The following ASH2L variants were observed in gnomAD, a reference collection of about 807,000 sequenced individuals.
ASH2L encodes the protein set1/Ash2 histone methyltransferase complex subunit ASH2.
ASH2L carries 30 observed loss-of-function variants against 81.1 expected under a neutral mutation model. The observed-to-expected ratio is 0.37, with a 90% confidence interval of 0.28 to 0.50. ASH2L has a LOEUF of 0.50. ASH2L is among the 20% of genes least tolerant of loss of function. The pLI, the probability that ASH2L is intolerant of heterozygous loss-of-function variation, is 0.95. For missense variants in ASH2L, 559 were observed against 792.1 expected (o/e 0.71, Z 3.53); for synonymous variants, 273 against 279.9 (o/e 0.98, Z 0.24).
chr8:38,128,279 CTG>C lies in ASH2L; in HGVS notation c.1166-10_1166-9del, dbSNP rs1424570015. ...TAAGTTGCAGGCCTTCTTTTAATCT[CTG>C]TCACCGCAGCTCCCCAGTTAAAGAT... On this transcript the variant is annotated splice_polypyrimidine_tract_variant and intron_variant, in intron 10 of 15. Transcript: ENST00000343823. 3 of 1,613,862 alleles carry C rather than the reference CTG, an allele frequency of 1.9e-6. No individual in the cohort carries two copies. Among genetic ancestry groups the C allele is most frequent in the Non-Finnish European group, 2.5e-6 (3 of 1,179,996 alleles).
At chr8:38,130,834 C>A (rs1359391420) in intron 12 of ASH2L, among the ~76,000 whole-genome samples, 1 of 152,130 alleles carries the variant, frequency 6.6e-6, no homozygotes, top group Non-Finnish European at 1.5e-5. Flanking sequence ...CCCGCCTCGG[C>A]CTCCCAAAGT....
At chr8:38,119,828 A>G (rs1811063028) in intron 9 of ASH2L, among the ~76,000 whole-genome samples, 2 of 149,088 alleles carry the variant, frequency 1.3e-5, no homozygotes, top group South Asian at 2.1e-4. Context: ...AACAAAAATA[A>G]TAACCCCAGG....
chr8:38,136,102 A>AT (rs772313591), intron 14 of ASH2L, among the ~76,000 whole-genome samples: 4,832 of 97,822 alleles, frequency 0.049, 662 homozygotes, highest in African/African-American at 0.062. Context: ...GCTTACAATG[A>AT]TTTTTTTTTT....
intron 14 of ASH2L, among the ~76,000 whole-genome samples, chr8:38,136,468 A>C (rs1266026491): frequency 6.6e-5 from 10 of 151,878 alleles, no homozygotes; most frequent in Admixed American, 6.6e-4. Flanking sequence ...ATAGGTAGAT[A>C]GATACAGATA....
At chr8:38,126,135 AGAGGTTGCAGTGAGCC>A (rs1275364146) in intron 10 of ASH2L, among the ~76,000 whole-genome samples, 1 of 151,496 alleles carries the variant, frequency 6.6e-6, no homozygotes, top group Non-Finnish European at 1.5e-5. Flanking sequence ...CCCGGGAGCC[AGAGGTTGCAGTGAGCC>A]GAGGTTGCAC....
At chr8:38,132,707 G>A (rs1437366092) in intron 12 of ASH2L, among the ~76,000 whole-genome samples, 1 of 152,016 alleles carries the variant, frequency 6.6e-6, no homozygotes, top group Non-Finnish European at 1.5e-5. Flanking sequence ...GCTGAGACAG[G>A]AGAATCGCTT....
At chr8:38,113,050 C>T (rs371056457) in intron 5 of ASH2L, among the ~76,000 whole-genome samples, 3 of 151,760 alleles carry the variant, frequency 2.0e-5, no homozygotes, top group East Asian at 3.9e-4. Flanking sequence ...CTCACTGCAA[C>T]TTCTGCCTCC....
intron 10 of ASH2L, among the ~76,000 whole-genome samples, chr8:38,127,808 G>T (rs1801912514): frequency 6.6e-6 from 1 of 151,288 alleles, no homozygotes; most frequent in Non-Finnish European, 1.5e-5. Context: ...AACACTTTGG[G>T]AGACCAAGGC....
At chr8:38,124,461 T>A (rs1400839070) in intron 10 of ASH2L, 1 of 152,324 alleles carries the variant, frequency 6.6e-6, no homozygotes, top group Non-Finnish European at 1.5e-5. Context: ...TCCTACTTCC[T>A]TGGCCTCCCA....
chr8:38,117,427 C>T (rs893381529), intron 8 of ASH2L: 2 of 984,730 alleles, frequency 2.0e-6, no homozygotes, highest in African/African-American at 3.5e-5. Flanking sequence ...TTGACAAATA[C>T]ATGGTGCCAC....
chr8:38,129,691 C>A, intron 12 of ASH2L, among the ~76,000 whole-genome samples: 1 of 152,166 alleles, frequency 6.6e-6, no homozygotes, highest in Non-Finnish European at 1.5e-5. Context: ...ACTTTCTTTC[C>A]CACCATACTT....
intron 3 of ASH2L, among the ~76,000 whole-genome samples, chr8:38,108,026 C>T (rs1810524967): frequency 6.6e-6 from 1 of 151,986 alleles, no homozygotes; most frequent in Admixed American, 6.6e-5. Flanking sequence ...CCTCGAACTT[C>T]TGAGCTCAAG....
At chr8:38,131,558 A>T (rs1159173379) in intron 12 of ASH2L, among the ~76,000 whole-genome samples, 1 of 152,178 alleles carries the variant, frequency 6.6e-6, no homozygotes, top group Non-Finnish European at 1.5e-5. Context: ...AGGCATGAGA[A>T]TCGCTTGAGC....
chr8:38,117,606 T>A, intron 8 of ASH2L: 1 of 307,456 alleles, frequency 3.3e-6, no homozygotes, highest in Non-Finnish European at 4.8e-6. Flanking sequence ...CAATAGCACT[T>A]AATATGAAAC....
chr8:38,108,276 A>G (rs1007854005), intron 3 of ASH2L, among the ~76,000 whole-genome samples: 1 of 152,184 alleles, frequency 6.6e-6, no homozygotes, highest in Admixed American at 6.5e-5. Flanking sequence ...CTGCTGGGAA[A>G]ACACACTAGC....
At chr8:38,115,418 T>C (rs1211548499) in intron 7 of ASH2L, among the ~76,000 whole-genome samples, 1 of 152,236 alleles carries the variant, frequency 6.6e-6, no homozygotes, top group Non-Finnish European at 1.5e-5. Flanking sequence ...AAATTGCTGT[T>C]TTTTGTTCAA....
intron 8 of ASH2L, among the ~76,000 whole-genome samples, chr8:38,118,628 C>T (rs1226193341): frequency 6.6e-6 from 1 of 152,186 alleles, no homozygotes; most frequent in African/African-American, 2.4e-5. Flanking sequence ...CCTAGCAAAT[C>T]GAAAGCCTTC....
chr8:38,128,894 T>G lies in ASH2L; in HGVS notation c.1470T>G (p.Ile490Met). Residue 490 changes from isoleucine to methionine, a missense_variant, in exon 12 of 16, where the codon ATT becomes ATG. Physicochemically the swap from Ile to Met is conservative, Grantham distance 10. Transcript: ENST00000343823. ...YGQGDVLGFY[I>M]NLPEDTETAK... ...AGGGAGACGTCCTGGGATTTTATAT[T>G]AATCTTCCTGAAGACACAGAGACAG... is the stretch of plus-strand genomic sequence containing the variant. The G allele has an allele frequency of 6.2e-7, 1 of 1,614,114 alleles. No individual in the cohort carries two copies. The highest frequency in any genetic ancestry group is 8.5e-7 in the Non-Finnish European group (1 of 1,179,990).
intron 13 of ASH2L, among the ~76,000 whole-genome samples, chr8:38,134,761 A>T (rs985798086): frequency 3.9e-5 from 6 of 152,204 alleles, no homozygotes; most frequent in African/African-American, 1.4e-4. Context: ...TTAGGAAAGA[A>T]ATACTAAAGA....
Sources: gnomAD v4.1 joint callset for allele counts (sites outside exome capture counted in the v4.1 genomes callset) on GRCh38, gnomAD v4.1.1 for gene constraint, MANE v1.5 for transcripts, NCBI Gene and HGNC (gene_info 2026-07-23, HGNC 2026-07-21) for gene names.